LAMA2: variants seen among roughly 807,000 people sequenced by gnomAD.
LAMA2 encodes laminin subunit alpha-2.
A neutral mutation model predicts 364.8 loss-of-function variants in LAMA2; 269 were observed. That is an observed-to-expected ratio of 0.74 (90% confidence interval 0.67 to 0.82). The LOEUF (loss-of-function observed/expected upper bound fraction) is 0.82. Among genes scored for constraint, LAMA2 ranks in the 40% least tolerant of loss-of-function variants. The pLI is 0.00. For missense variants in LAMA2, 3,807 were observed against 3,873.2 expected (o/e 0.98, Z 0.45); for synonymous variants, 1,379 against 1,370.6 (o/e 1.01, Z -0.14).
chr6:128,951,241 A>T (rs1001706173), intron 1 of LAMA2, among the ~76,000 whole-genome samples: 1 of 150,942 alleles, frequency 6.6e-6, no homozygotes, highest in Non-Finnish European at 1.5e-5. Context: ...CTCATTTTTT[A>T]TTATTAAAAA....
chr6:128,974,683 G>A (rs535301634), intron 1 of LAMA2, among the ~76,000 whole-genome samples: 1 of 152,212 alleles, frequency 6.6e-6, no homozygotes, highest in East Asian at 1.9e-4. Flanking sequence ...TGTTGTTCCA[G>A]TGGAAATGAG....
intron 33 of LAMA2, among the ~76,000 whole-genome samples, chr6:129,367,350 C>G (rs1777832520): frequency 6.6e-6 from 1 of 152,172 alleles, no homozygotes. Flanking sequence ...CTTCACTACC[C>G]TTAGGAAATG....
intron 2 of LAMA2, among the ~76,000 whole-genome samples, chr6:129,059,177 C>A (rs1788706719): frequency 2.0e-5 from 3 of 152,212 alleles, no homozygotes. Context: ...TCTCCAAGAG[C>A]CTTTAATTTA....
At chr6:129,410,053 C>T (rs962515932) in intron 40 of LAMA2, among the ~76,000 whole-genome samples, 6 of 152,164 alleles carry the variant, frequency 3.9e-5, no homozygotes, top group African/African-American at 1.4e-4. Flanking sequence ...TGCCCATTTA[C>T]ACTGGAAATG....
At chr6:128,929,626 T>C (rs2114510737) in intron 1 of LAMA2, 2 of 1,397,536 alleles carry the variant, frequency 1.4e-6, no homozygotes, top group Non-Finnish European at 1.0e-6. Context: ...GATGCTGACC[T>C]GCTCAAATAT....
intron 40 of LAMA2, among the ~76,000 whole-genome samples, chr6:129,405,762 A>T (rs1250826721): frequency 6.6e-6 from 1 of 152,164 alleles, no homozygotes; most frequent in African/African-American, 2.4e-5. Context: ...AATATATTTG[A>T]AAAGCATTAC....
rs780175456 is a variant in LAMA2, at chr6:129,475,380, C to T, written c.7440-10C>T. 8.7e-6 allele frequency: 13 copies of T among 1,495,170 alleles called. No homozygotes were observed. The highest frequency in any genetic ancestry group is 3.4e-5 in the Admixed American group (2 of 58,080). The allele number at this position is 1,495,170 out of a possible 1,614,324, so 92.6% of individuals were successfully genotyped here. A position where few individuals can be genotyped will look rare whatever the true frequency, so the allele number is the denominator to read the frequency against. ...TTTTTGTTTTTTTTTTCCTCTTTCCCGTTATCTAGTATGAAAGCAAGGTAA... is the reference window on the plus strand; with the variant it reads ...TTTTTGTTTTTTTTTTCCTCTTTCCTGTTATCTAGTATGAAAGCAAGGTAA... On this transcript the variant is annotated splice_polypyrimidine_tract_variant and intron_variant, in intron 52 of 64. Transcript: ENST00000421865.
chr6:129,070,180 C>T (rs1773220232), intron 3 of LAMA2, among the ~76,000 whole-genome samples: 1 of 152,044 alleles, frequency 6.6e-6, no homozygotes, highest in Admixed American at 6.6e-5. Context: ...AGCAAATAGG[C>T]CCACTTCCTT....
intron 1 of LAMA2, among the ~76,000 whole-genome samples, chr6:128,895,353 C>T (rs957557546): frequency 2.7e-5 from 4 of 147,540 alleles, no homozygotes; most frequent in South Asian, 2.2e-4. Context: ...GAACTCATGG[C>T]GGGGCGCGGT....
intron 9 of LAMA2, among the ~76,000 whole-genome samples, chr6:129,174,509 G>A (rs1380355567): frequency 2.0e-5 from 3 of 149,910 alleles, no homozygotes; most frequent in Admixed American, 6.6e-5. Context: ...GTGTGTGTAT[G>A]TGTGTGTTTT....
intron 22 of LAMA2, among the ~76,000 whole-genome samples, chr6:129,306,856 T>C (rs1004416735): frequency 1.3e-5 from 2 of 152,156 alleles, no homozygotes; most frequent in African/African-American, 2.4e-5. Context: ...TTTTCATTTA[T>C]TCTTGAAAAT....
chr6:129,276,099 A>G (rs1788307256), intron 17 of LAMA2, among the ~76,000 whole-genome samples: 1 of 152,132 alleles, frequency 6.6e-6, no homozygotes, highest in African/African-American at 2.4e-5. Context: ...CATGAAGTAA[A>G]TGAATTTTTT....
At chr6:129,484,743 A>C (rs1784513516) in intron 55 of LAMA2, among the ~76,000 whole-genome samples, 1 of 152,214 alleles carries the variant, frequency 6.6e-6, no homozygotes. Context: ...AATTTCAAAA[A>C]TATTTTTTAA....
intron 35 of LAMA2, among the ~76,000 whole-genome samples, chr6:129,386,197 A>T (rs1779005559): frequency 6.6e-6 from 1 of 152,184 alleles, no homozygotes; most frequent in African/African-American, 2.4e-5. Context: ...TTCCAAAGAT[A>T]CATCTTTTAC....
At chr6:129,515,239 A>C (rs1245808676) in intron 64 of LAMA2, among the ~76,000 whole-genome samples, 1 of 152,182 alleles carries the variant, frequency 6.6e-6, no homozygotes, top group African/African-American at 2.4e-5. Context: ...GTCTTTCATC[A>C]TTTTGTCAAG....
At chr6:129,210,003 C>CAAAAAAAAAAAAAAA (rs374127279) in intron 12 of LAMA2, among the ~76,000 whole-genome samples, 2,045 of 67,422 alleles carry the variant, frequency 0.03, 70 homozygotes, top group Non-Finnish European at 0.047. Context: ...GACTCCATCT[C>CAAAAAAAAAAAAAAA]AAAAAAAAAA....
intron 52 of LAMA2, among the ~76,000 whole-genome samples, chr6:129,473,802 A>G (rs76070776): frequency 6.6e-6 from 1 of 152,160 alleles, no homozygotes; most frequent in East Asian, 1.9e-4. Flanking sequence ...GCTTTCCCAT[A>G]TGCCTAATAC....
intron 1 of LAMA2, among the ~76,000 whole-genome samples, chr6:128,944,857 A>C (rs1425904342): frequency 6.6e-6 from 1 of 152,102 alleles, no homozygotes; most frequent in Non-Finnish European, 1.5e-5. Context: ...ATGAGAACTC[A>C]CTGTCATGAG....
intron 3 of LAMA2, among the ~76,000 whole-genome samples, chr6:129,085,077 G>A: frequency 6.6e-6 from 1 of 152,076 alleles, no homozygotes; most frequent in Non-Finnish European, 1.5e-5. Flanking sequence ...TTTATCCCTT[G>A]GGTATCACAA....
Sources: allele counts gnomAD v4.1 joint callset (sites outside exome capture counted in the v4.1 genomes callset), GRCh38; gene constraint gnomAD v4.1.1; transcripts MANE v1.5; gene names NCBI Gene and HGNC (gene_info 2026-07-23, HGNC 2026-07-21).